Variants in NXPE2 observed in about 807,000 individuals in gnomAD.
The protein encoded by NXPE2 is NXPE family member 2.
NXPE2 carries 34 observed loss-of-function variants against 34.4 expected under a neutral mutation model. The ratio of observed to expected loss-of-function variants is 0.99; its 90% CI spans 0.75 to 1.31. The LOEUF is 1.31. Among genes scored for constraint, NXPE2 ranks in the 40% most tolerant of loss-of-function variants. The probability of loss-of-function intolerance (pLI) is 0.00; values close to 1 mark genes in which losing one functional copy is unlikely to be tolerated. For missense variants in NXPE2, 649 were observed against 672.5 expected (o/e 0.97, Z 0.39); for synonymous variants, 235 against 231.3 (o/e 1.02, Z -0.15).
At chr11:114,564,145 C>T in the NXPE2 span, among the ~76,000 whole-genome samples, 2 of 152,156 alleles carry the variant, frequency 1.3e-5, no homozygotes, top group Non-Finnish European at 2.9e-5. Flanking sequence ...GAAATAATGG[C>T]ATTCGCAGCA....
At chr11:114,551,389 G>A in the NXPE2 span, 125 of 1,362,998 alleles carry the variant, frequency 9.2e-5, no homozygotes, top group Admixed American at 2.0e-4. Flanking sequence ...CTACCTATTG[G>A]ATACTTCTTG....
chr11:114,678,386 G>A, upstream of NXPE2: 1 of 491,306 alleles, frequency 2.0e-6, no homozygotes, highest in Non-Finnish European at 3.7e-6. Context: ...GCTCTGTGGT[G>A]TGGGTTGGGC....
At chr11:114,476,298 T>C in the NXPE2 span, among the ~76,000 whole-genome samples, 1 of 152,210 alleles carries the variant, frequency 6.6e-6, no homozygotes, top group Non-Finnish European at 1.5e-5. Flanking sequence ...CTCTCTATAA[T>C]GCTACAAATT....
chr11:114,625,308 A>G, the NXPE2 span, among the ~76,000 whole-genome samples: 9 of 152,082 alleles, frequency 5.9e-5, no homozygotes, highest in African/African-American at 2.4e-5. Flanking sequence ...TACCCAGTGG[A>G]TAATAAGTGT....
the NXPE2 span, among the ~76,000 whole-genome samples, chr11:114,511,730 A>T: frequency 6.6e-6 from 1 of 152,180 alleles, no homozygotes; most frequent in Non-Finnish European, 1.5e-5. Context: ...CTGATCCCTC[A>T]CGAATGGCGT....
At chr11:114,753,356 G>GC in the NXPE2 span, among the ~76,000 whole-genome samples, 1 of 152,020 alleles carries the variant, frequency 6.6e-6, no homozygotes. Context: ...TTGCTCTACT[G>GC]CACGTCAGCC....
intron 2 of NXPE2, among the ~76,000 whole-genome samples, chr11:114,694,833 C>T (rs1951218840): frequency 9.8e-6 from 1 of 101,952 alleles, no homozygotes; most frequent in Non-Finnish European, 2.1e-5. Context: ...CCATCTGTTC[C>T]TGCTTGTTTT....
Position 114,698,269 on chromosome 11 carries a change from T to C in NXPE2, c.357T>C (p.Pro119=), listed in dbSNP as rs1179320208. Reference sequence around the variant, plus strand: ...ACAGCACAGCCACCATCCTCAACCCTCAAGATACGTACTGCAGGGGGGATC... The same window carrying C: ...ACAGCACAGCCACCATCCTCAACCCCCAAGATACGTACTGCAGGGGGGATC... ...ATHSTATILN[P]QDTYCRGDQL... The change falls in exon 3 of 6, where the codon CCT becomes CCC. Residue 119 remains proline (P), a synonymous_variant. Coordinates refer to ENST00000389586, the MANE Select transcript of NXPE2 (RefSeq NM_182495.6). 1 of 1,613,070 alleles carries C rather than the reference T, an allele frequency of 6.2e-7. No individual in the cohort carries two copies.
chr11:114,698,287 G>A lies in NXPE2; in HGVS notation c.375G>A (p.Arg125=), dbSNP rs749331686. 5.0e-6 allele frequency: 8 copies of A among 1,613,602 alleles called. No homozygotes were observed. The East Asian group carries it at 8.9e-5, about 18-fold the overall frequency. The change falls in exon 3 of 6, where the codon AGG becomes AGA. Residue 125 remains arginine, a synonymous_variant. Coordinates refer to ENST00000389586, the MANE Select transcript of NXPE2 (RefSeq NM_182495.6). ...TILNPQDTYC[R]GDQLDILLEV... Reference sequence around the variant, plus strand: ...TCAACCCTCAAGATACGTACTGCAGGGGGGATCAGCTGGACATCCTTCTGG... The same window carrying A: ...TCAACCCTCAAGATACGTACTGCAGAGGGGATCAGCTGGACATCCTTCTGG...
At chr11:114,811,483 T>C in the NXPE2 span, among the ~76,000 whole-genome samples, 1 of 152,140 alleles carries the variant, frequency 6.6e-6, no homozygotes, top group Non-Finnish European at 1.5e-5. Flanking sequence ...AGATTCCAAC[T>C]ATCACAACCA....
chr11:114,570,905 C>G, the NXPE2 span: 1 of 1,477,670 alleles, frequency 6.8e-7, no homozygotes, highest in East Asian at 2.5e-5. Context: ...AATTTTTTTA[C>G]TTAAGTGAAT....
At chr11:114,728,034 CT>C in the NXPE2 span, among the ~76,000 whole-genome samples, 3 of 151,990 alleles carry the variant, frequency 2.0e-5, no homozygotes, top group African/African-American at 7.2e-5. Flanking sequence ...TTTTCTTTGC[CT>C]TCTAAAAGTC....
At chr11:114,766,687 C>G in the NXPE2 span, among the ~76,000 whole-genome samples, 10 of 152,196 alleles carry the variant, frequency 6.6e-5, no homozygotes, top group East Asian at 1.9e-3. Context: ...CCTACCTTCT[C>G]CATGAAAGTG....
chr11:114,789,116 A>G, the NXPE2 span, among the ~76,000 whole-genome samples: 3 of 152,358 alleles, frequency 2.0e-5, no homozygotes, highest in Admixed American at 6.5e-5. Flanking sequence ...ATTGTACATC[A>G]TGGTGACTAT....
At chr11:114,802,083 C>T in the NXPE2 span, among the ~76,000 whole-genome samples, 1 of 152,076 alleles carries the variant, frequency 6.6e-6, no homozygotes, top group Non-Finnish European at 1.5e-5. Flanking sequence ...TGGGACTGAA[C>T]CTTGGGGATG....
At chr11:114,639,859 T>TTAAATATAAAATATAATA in the NXPE2 span, among the ~76,000 whole-genome samples, 1 of 69,324 alleles carries the variant, frequency 1.4e-5, no homozygotes, top group Admixed American at 2.2e-4. Flanking sequence ...ATAATATATA[T>TTAAATATAAAATATAATA]TATATTTTAT....
chr11:114,723,000 T>C, the NXPE2 span, among the ~76,000 whole-genome samples: 1 of 152,206 alleles, frequency 6.6e-6, no homozygotes, highest in Non-Finnish European at 1.5e-5. Flanking sequence ...TTAAATGGTA[T>C]GAAACTATGC....
chr11:114,485,759 T>C, the NXPE2 span, among the ~76,000 whole-genome samples: 2 of 152,266 alleles, frequency 1.3e-5, no homozygotes, highest in African/African-American at 4.8e-5. Flanking sequence ...AGTTTTTCTT[T>C]CCGTGCCTGG....
chr11:114,540,837 C>CTTTTTTTTTTTTT, the NXPE2 span, among the ~76,000 whole-genome samples: 12 of 47,414 alleles, frequency 2.5e-4, 5 homozygotes, highest in Non-Finnish European at 4.7e-4. Flanking sequence ...AGAAAGCCAT[C>CTTTTTTTTTTTTT]TTTTTTTTTT....
Sources: gnomAD v4.1 joint callset for allele counts (sites outside exome capture counted in the v4.1 genomes callset) on GRCh38, gnomAD v4.1.1 for gene constraint, MANE v1.5 for transcripts, NCBI Gene and HGNC (gene_info 2026-07-23, HGNC 2026-07-21) for gene names.